The following EIF2D variants were observed in gnomAD, a reference collection of about 807,000 sequenced individuals.
EIF2D encodes hepatocellular carcinoma-associated antigen 56.
EIF2D carries 56 observed loss-of-function variants against 77.4 expected under a neutral mutation model. The ratio of observed to expected loss-of-function variants is 0.72; its 90% CI spans 0.58 to 0.90. The LOEUF is 0.90. Ranked by LOEUF, EIF2D falls within the 40% of genes least tolerant of loss-of-function variation. The pLI is 0.00. For synonymous variants in EIF2D, 230 were observed against 271.0 expected (o/e 0.85, Z 1.49); for missense variants, 574 against 706.5 (o/e 0.81, Z 2.13).
At position 206,599,056 on chromosome 1, in the gene EIF2D, C is replaced by T. The variant is rs782427652; in HGVS notation, c.1239G>A (p.Thr413=). The change falls in exon 11 of 15, where the codon ACG becomes ACA. Residue 413 remains threonine, a synonymous_variant. Transcript: ENST00000271764. The surrounding 1 kb of genome is among the most constrained non-coding windows in gnomAD (Gnocchi z 4.1). ...GSFLEGSEVR[T]IVINYAKKND... The stretch of plus-strand genomic sequence containing the variant: ...TTTTCTTGGCGTAGTTAATGACGAT[C>T]GTTCGGACCTCACTGCCCTCCAGAA... The T allele has an allele frequency of 6.2e-6, 10 of 1,614,152 alleles. No individual in the cohort carries two copies. The highest frequency in any genetic ancestry group is 3.3e-5 in the South Asian group (3 of 91,076).
chr1:206,570,828 A>G (rs561422338), downstream of EIF2D, among the ~76,000 whole-genome samples: 9 of 152,238 alleles, frequency 5.9e-5, no homozygotes, highest in Non-Finnish European at 1.2e-4. Context: ...TCATCCATCA[A>G]TGGACCCTTG....
chr1:206,589,819 T>C (rs1553408604), downstream of EIF2D, among the ~76,000 whole-genome samples: 1 of 152,194 alleles, frequency 6.6e-6, no homozygotes, highest in East Asian at 1.9e-4. Context: ...AAAGAAATTC[T>C]TGCTGCCTTC....
At chr1:206,578,936 C>A (rs1231013920) in intron 4 of EIF2D, among the ~76,000 whole-genome samples, 1 of 152,128 alleles carries the variant, frequency 6.6e-6, no homozygotes, top group Admixed American at 6.5e-5. Flanking sequence ...CAGCTTAGGG[C>A]AAATCTGCCC....
chr1:206,584,359 AC>A lies in EIF2D; in HGVS notation c.139-3198del, dbSNP rs1553407003. ...TGATCATGCAAGGCGGACGGCCCTGACCCCCTGTGACATGCCCCCGCTGGCA... is the reference window on the plus strand; with the variant it reads ...TGATCATGCAAGGCGGACGGCCCTGACCCCTGTGACATGCCCCCGCTGGCA... On this transcript the variant is annotated intron_variant and NMD_transcript_variant, in intron 2 of 5. Transcript: ENST00000472709. This position sits in a 1 kb window ranked among gnomAD's most constrained non-coding sequence, Gnocchi z 4.9. 2 of 1,589,256 alleles carry A rather than the reference AC, an allele frequency of 1.3e-6. No homozygotes were observed. The highest frequency in any genetic ancestry group is 1.2e-5 in the South Asian group (1 of 86,112).
Position 206,581,715 on chromosome 1 carries a change from G to T in EIF2D, c.139-553C>A, listed in dbSNP as rs1277879038. 2.6e-5 allele frequency among the ~76,000 whole-genome samples: 4 copies of T among 152,178 alleles called. No homozygotes were observed. In the East Asian group the frequency reaches 7.7e-4, roughly 29 times the overall value. On this transcript the variant is annotated intron_variant and NMD_transcript_variant, in intron 2 of 5. Transcript: ENST00000472709. ...ATGTCAGCTGTGCTGAGGGGTTGGA[G>T]GTGGGAGGCTGGAGCCACGCCAGCT...
intron 1 of EIF2D, 78 bp downstream of exon 1, chr1:206,612,209 T>TAGCGAGGGCTATGGGCC: frequency 6.3e-7 from 1 of 1,595,326 alleles, no homozygotes; most frequent in South Asian, 1.1e-5. Flanking sequence ...CGGCCAAGAA[T>TAGCGAGGGCTATGGGCC]AGCGAGGGCT....
chr1:206,574,717 C>T (rs1668571197), intron 4 of EIF2D, among the ~76,000 whole-genome samples: 1 of 152,168 alleles, frequency 6.6e-6, no homozygotes, highest in Admixed American at 6.5e-5. Flanking sequence ...AAATCAACCC[C>T]TTCACTGCTG....
chr1:206,604,847 G>C (rs1269647721), intron 5 of EIF2D: 3 of 152,046 alleles, frequency 2.0e-5, no homozygotes, highest in African/African-American at 7.2e-5. Flanking sequence ...GAAAATCACT[G>C]CTTACTGTTT....
In EIF2D at chr1:206,585,453, G is replaced by A. The variant is rs1182233053; in HGVS notation, c.139-4291C>T. ...GCAGGGGTGGGTGATGGGCCTGGGG[G>A]TCAGTGTTTCAGCCAGGACTCTGAA... On this transcript the variant is annotated intron_variant and NMD_transcript_variant, in intron 2 of 5. Coordinates refer to the EIF2D transcript ENST00000472709. 3.1e-5 allele frequency: 19 copies of A among 615,944 alleles called. 1 individual carries two copies. Among genetic ancestry groups the A allele is most frequent in the Non-Finnish European group, 5.6e-5 (19 of 340,472 alleles). The allele number at this position is 615,944 out of a possible 1,614,324, so 38.2% of individuals were successfully genotyped here. A position where few individuals can be genotyped will look rare whatever the true frequency, so the allele number is the denominator to read the frequency against.
Position 206,612,402 on chromosome 1 carries a change from G to A in EIF2D, c.-60C>T. The A allele has an allele frequency of 1.2e-6, 2 of 1,609,434 alleles. No individual in the cohort carries two copies. Among genetic ancestry groups the A allele is most frequent in the Admixed American group, 1.7e-5 (1 of 60,014 alleles). On this transcript the variant is annotated 5_prime_UTR_variant, in exon 1 of 15. Coordinates refer to ENST00000271764, the MANE Select transcript of EIF2D (RefSeq NM_006893.3). Reference sequence around the variant, plus strand: ...AGCCAGGGAATGTCAAGAAAGCGAGGGCGCAGCAGCTGCCAGGCCCTCAGC... The same window carrying A: ...AGCCAGGGAATGTCAAGAAAGCGAGAGCGCAGCAGCTGCCAGGCCCTCAGC...
At chr1:206,611,121 G>A in intron 2 of EIF2D, 63 bp downstream of exon 2, 1 of 1,455,530 alleles carries the variant, frequency 6.9e-7, no homozygotes, top group Non-Finnish European at 9.4e-7. Context: ...AAGAAACAGA[G>A]AGAAGCAGAT....
chr1:206,576,507 C>G (rs1013806667), intron 4 of EIF2D, among the ~76,000 whole-genome samples: 3 of 152,170 alleles, frequency 2.0e-5, no homozygotes, highest in Non-Finnish European at 4.4e-5. Context: ...AGTGAAGTTA[C>G]AAAGGCCCAT....
At chr1:206,585,976 A>G (rs1372954148) in intron 2 of EIF2D, 1 of 152,272 alleles carries the variant, frequency 6.6e-6, no homozygotes, top group African/African-American at 2.4e-5. Context: ...TCTGTGCAGA[A>G]TATGTTTGGA....
intron 1 of EIF2D, 131 bp downstream of exon 1, chr1:206,612,156 G>T: frequency 8.2e-7 from 1 of 1,225,020 alleles, no homozygotes; most frequent in Non-Finnish European, 1.2e-6. Context: ...TGCCTCCTGG[G>T]GTCCCTTCCC....
At chr1:206,578,318 T>C (rs1348654645) in intron 4 of EIF2D, among the ~76,000 whole-genome samples, 3 of 151,980 alleles carry the variant, frequency 2.0e-5, no homozygotes, top group Non-Finnish European at 4.4e-5. Flanking sequence ...AGATGTAGGT[T>C]AGCTTTAACC....
chr1:206,580,433 G>A (rs1473899895), intron 4 of EIF2D, among the ~76,000 whole-genome samples: 1 of 152,212 alleles, frequency 6.6e-6, no homozygotes, highest in Non-Finnish European at 1.5e-5. Flanking sequence ...GAGACAGAGT[G>A]AGTGTATAAT....
chr1:206,608,227 G>A lies in EIF2D; in HGVS notation c.422+9C>T, dbSNP rs782618830. 2 of 1,609,886 alleles carry A rather than the reference G, an allele frequency of 1.2e-6. No homozygotes were observed. Among genetic ancestry groups the A allele is most frequent in the Admixed American group, 1.7e-5 (1 of 59,532 alleles). ...TTTCCCCCAAAGGCACAGTTGCCTG[G>A]CACAGTACCTGTTCCCCACCAAAGA... On this transcript the variant is annotated intron_variant, in intron 4 of 14. Transcript: ENST00000271764.
At chr1:206,611,399 G>A (rs782330094) in intron 1 of EIF2D, 25 bp from the exon 2 acceptor site, 1 of 1,596,528 alleles carries the variant, frequency 6.3e-7, no homozygotes, top group African/African-American at 1.3e-5. Flanking sequence ...CCAGCACTGT[G>A]AATGCTGCCT....
At chr1:206,604,153 G>A (rs373977762) in intron 5 of EIF2D, among the ~76,000 whole-genome samples, 31 of 152,288 alleles carry the variant, frequency 2.0e-4, no homozygotes, top group African/African-American at 7.0e-4. Flanking sequence ...TGTAAAATCA[G>A]TAAGTCCGGC....
Sources: allele counts gnomAD v4.1 joint callset (sites outside exome capture counted in the v4.1 genomes callset), GRCh38; gene constraint gnomAD v4.1.1; non-coding constraint Gnocchi (gnomAD v3.1); transcripts MANE v1.5; gene names NCBI Gene and HGNC (gene_info 2026-07-23, HGNC 2026-07-21).